PRKG1: variants seen among roughly 807,000 people sequenced by gnomAD.
PRKG1 encodes protein kinase cGMP-dependent 1.
PRKG1 carries 35 observed loss-of-function variants against 88.1 expected under a neutral mutation model. The observed-to-expected ratio is 0.40, with a 90% CI of 0.30 to 0.53. The LOEUF (loss-of-function observed/expected upper bound fraction) is 0.53, where lower values mean the gene tolerates loss of function less well. PRKG1 is among the 20% of genes least tolerant of loss of function. PRKG1 has a pLI of 0.59. For synonymous variants in PRKG1, 303 were observed against 292.5 expected, an observed-to-expected ratio of 1.04 and a Z score of -0.37; for missense variants, 540 against 839.8, an observed-to-expected ratio of 0.64 and a Z score of 4.41.
intron 2 of PRKG1, among the ~76,000 whole-genome samples, chr10:51,361,359 TG>T (rs534835217): frequency 6.6e-6 from 1 of 151,930 alleles, no homozygotes; most frequent in Non-Finnish European, 1.5e-5. Flanking sequence ...TTGTAATTGT[TG>T]TTTTGCTCTA....
At chr10:51,511,376 T>A (rs1841400542) in intron 3 of PRKG1, among the ~76,000 whole-genome samples, 1 of 152,094 alleles carries the variant, frequency 6.6e-6, no homozygotes, top group Non-Finnish European at 1.5e-5. Context: ...ACTTCTATTA[T>A]CAGAAGTCAC....
chr10:51,328,074 C>T (rs1286174690), intron 2 of PRKG1, among the ~76,000 whole-genome samples: 1 of 152,132 alleles, frequency 6.6e-6, no homozygotes, highest in Non-Finnish European at 1.5e-5. Context: ...GACCTTATTC[C>T]TCCTACATTA....
chr10:51,922,757 T>C (rs370030557), intron 5 of PRKG1, among the ~76,000 whole-genome samples: 3 of 152,042 alleles, frequency 2.0e-5, no homozygotes, highest in East Asian at 3.8e-4. Flanking sequence ...TCTAAACACA[T>C]ACTTTGTATA....
intron 3 of PRKG1, among the ~76,000 whole-genome samples, chr10:51,719,010 G>T (rs1390873569): frequency 6.6e-6 from 1 of 152,118 alleles, no homozygotes; most frequent in African/African-American, 2.4e-5. Context: ...TCTGGGCATG[G>T]TGGCAAGTGC....
At position 52,162,528 on chromosome 10, in the gene PRKG1, A is replaced by G. The variant is rs1292327275; in HGVS notation, c.1076+565A>G. ...TGATATTAGCTTTTTCTGCAAAATT[A>G]TTATTTTTAAAATACCAGTAATCTA... On this transcript the variant is annotated intron_variant, in intron 9 of 17. Coordinates refer to ENST00000373980, the MANE Select transcript of PRKG1 (RefSeq NM_006258.4). Among the ~76,000 whole-genome samples the G allele has an allele frequency of 2.0e-5, 3 of 152,066 alleles. No homozygotes were observed. In the East Asian group the frequency reaches 5.8e-4, roughly 29 times the overall value.
chr10:51,304,244 TAGTTAGAAAAG>T (rs67464979), intron 2 of PRKG1, among the ~76,000 whole-genome samples: 58,134 of 151,802 alleles, frequency 0.38, 11,238 homozygotes, highest in Middle Eastern at 0.49. Context: ...ACTTGAAAAT[TAGTTAGAAAAG>T]ATGCGTAGAG....
chr10:51,936,721 T>TTG lies in PRKG1; in HGVS notation c.762+29152_762+29153insGT, dbSNP rs879448545. Among the ~76,000 whole-genome samples the TTG allele has an allele frequency of 3.3e-3, 505 of 152,148 alleles. 4 individuals are homozygous for TTG. Among genetic ancestry groups the TTG allele is most frequent in the Middle Eastern group, 6.8e-3 (2 of 294 alleles). On this transcript the variant is annotated intron_variant, in intron 5 of 17. Transcript: ENST00000373980. ...TGTTATGATGCTGGCTTAAAAACAA[T>TTG]TTTTTTAAAAATTTTTTTGCTTGCA...
At chr10:52,150,185 T>TAATAATAA (rs771689961) in intron 8 of PRKG1, among the ~76,000 whole-genome samples, 1 of 149,628 alleles carries the variant, frequency 6.7e-6, no homozygotes, top group Admixed American at 6.7e-5. Context: ...ATAATAATAA[T>TAATAATAA]TTGATTGGCC....
intron 2 of PRKG1, among the ~76,000 whole-genome samples, chr10:51,267,255 T>C (rs1038737821): frequency 2.0e-4 from 31 of 152,282 alleles, no homozygotes; most frequent in African/African-American, 7.5e-4. Context: ...CAGAGAAACA[T>C]TAAACACTTT....
chr10:51,013,431 C>T (rs1020814600), intron 1 of PRKG1, among the ~76,000 whole-genome samples: 2 of 152,146 alleles, frequency 1.3e-5, no homozygotes, highest in Admixed American at 6.5e-5. Flanking sequence ...CACTCTGTTG[C>T]TCAGGCTGGA....
chr10:51,464,120 GA>G (rs59267184), intron 2 of PRKG1, among the ~76,000 whole-genome samples: 31,315 of 147,978 alleles, frequency 0.21, 3,721 homozygotes, highest in East Asian at 0.54. Context: ...AATACAAAAA[GA>G]AAAAAAAAAA....
chr10:51,376,968 C>T (rs917154939), intron 2 of PRKG1, among the ~76,000 whole-genome samples: 3 of 152,084 alleles, frequency 2.0e-5, no homozygotes, highest in East Asian at 1.9e-4. Flanking sequence ...TGAGCCACTG[C>T]GCCTGGCCAG....
At chr10:51,848,953 T>C (rs1007862157) in intron 4 of PRKG1, among the ~76,000 whole-genome samples, 1 of 152,080 alleles carries the variant, frequency 6.6e-6, no homozygotes, top group Non-Finnish European at 1.5e-5. Context: ...GATGTCATGA[T>C]ATCATTTTAT....
intron 3 of PRKG1, among the ~76,000 whole-genome samples, chr10:51,749,440 T>A (rs1226673652): frequency 6.6e-6 from 1 of 152,124 alleles, no homozygotes; most frequent in Non-Finnish European, 1.5e-5. Context: ...AGCCTTCCCT[T>A]GGTGACTGGA....
At chr10:52,075,508 G>A (rs1480995984) in intron 7 of PRKG1, among the ~76,000 whole-genome samples, 1 of 152,176 alleles carries the variant, frequency 6.6e-6, no homozygotes. Flanking sequence ...TTACTTTAAA[G>A]CTGCAGTAGC....
At chr10:51,893,446 A>G (rs1438911996) in intron 4 of PRKG1, among the ~76,000 whole-genome samples, 2 of 152,102 alleles carry the variant, frequency 1.3e-5, no homozygotes, top group East Asian at 3.9e-4. Context: ...TGGGTGGCAT[A>G]CAGAGAGTGA....
chr10:51,699,209 G>A lies in PRKG1; in HGVS notation c.593-105376G>A, dbSNP rs139518067. 8.1e-6 allele frequency: 13 copies of A among 1,613,906 alleles called. No individual in the cohort carries two copies. In the Admixed American group the frequency reaches 2.0e-4, roughly 25 times the overall value. ...TTCTGGATCGATGGGATCCCCATAGGGTGAGTCAATAATGGGCGCTGCAGG... is the reference window on the plus strand; with the variant it reads ...TTCTGGATCGATGGGATCCCCATAGAGTGAGTCAATAATGGGCGCTGCAGG... On this transcript the variant is annotated intron_variant, in intron 3 of 17. Transcript: ENST00000373980.
chr10:51,724,413 T>C (rs777979774), intron 3 of PRKG1, among the ~76,000 whole-genome samples: 10 of 152,208 alleles, frequency 6.6e-5, no homozygotes, highest in Non-Finnish European at 1.3e-4. Flanking sequence ...GACAAACTAG[T>C]GCATGCTTCA....
At chr10:51,966,107 T>G (rs987313981) in intron 5 of PRKG1, among the ~76,000 whole-genome samples, 1 of 152,202 alleles carries the variant, frequency 6.6e-6, no homozygotes, top group Non-Finnish European at 1.5e-5. Flanking sequence ...TTAATATATG[T>G]GAATGTATTT....
Sources: gnomAD v4.1 joint callset for allele counts (sites outside exome capture counted in the v4.1 genomes callset) on GRCh38, gnomAD v4.1.1 for gene constraint, MANE v1.5 for transcripts, NCBI Gene and HGNC (gene_info 2026-07-23, HGNC 2026-07-21) for gene names.